NEGR1: variants seen among roughly 807,000 people sequenced by gnomAD.
The protein encoded by NEGR1 is IgLON family member 4.
Under a neutral mutation model 40.9 loss-of-function variants are expected in NEGR1, and 10 were observed. That is an observed-to-expected ratio of 0.24 (90% confidence interval 0.15 to 0.42). The LOEUF is 0.42. Among genes scored for constraint, NEGR1 ranks in the 10% least tolerant of loss-of-function variants. The pLI is 1.00. For synonymous variants in NEGR1, 185 were observed against 166.8 expected (o/e 1.11, Z -0.84); for missense variants, 352 against 438.9 (o/e 0.80, Z 1.77).
At chr1:71,830,899 T>C (rs1469389075) in intron 2 of NEGR1, among the ~76,000 whole-genome samples, 2 of 151,826 alleles carry the variant, frequency 1.3e-5, no homozygotes, top group African/African-American at 2.4e-5. Context: ...GACACAATTA[T>C]ATAAGCCAAA....
At chr1:72,127,379 G>C (rs1312346305) in intron 1 of NEGR1, among the ~76,000 whole-genome samples, 1 of 146,980 alleles carries the variant, frequency 6.8e-6, no homozygotes, top group African/African-American at 2.5e-5. Flanking sequence ...CAGGAGAATG[G>C]CGTGAACCCG....
Position 71,543,584 on chromosome 1 carries a change from T to G in NEGR1, c.940+49233A>C, listed in dbSNP as rs540257158. On this transcript the variant is annotated intron_variant, in intron 6 of 6. Transcript: ENST00000357731. The stretch of plus-strand genomic sequence containing the variant: ...CATAATGTGGGAGGGCATAATGAGT[T>G]GGACCTAAGTGTGTCCTAATTGCAC... 3.6e-4 allele frequency among the ~76,000 whole-genome samples: 55 copies of G among 151,852 alleles called. 1 individual carries two copies. In the South Asian group the frequency reaches 0.011, roughly 31 times the overall value.
chr1:72,197,990 G>T (rs911942380), intron 1 of NEGR1, among the ~76,000 whole-genome samples: 1 of 151,992 alleles, frequency 6.6e-6, no homozygotes. Flanking sequence ...CAGTTTTTCA[G>T]AGAGAAAAAG....
chr1:71,692,814 T>C (rs1653337274), intron 4 of NEGR1, among the ~76,000 whole-genome samples: 1 of 151,830 alleles, frequency 6.6e-6, no homozygotes, highest in East Asian at 1.9e-4. Context: ...CTGTAACTTA[T>C]TGGATAAAAA....
At chr1:72,051,059 C>T (rs949404845) in intron 1 of NEGR1, among the ~76,000 whole-genome samples, 26 of 151,410 alleles carry the variant, frequency 1.7e-4, no homozygotes, top group African/African-American at 5.6e-4. Context: ...CTTTAAAATC[C>T]TACATGCACT....
At chr1:71,922,507 T>G (rs1645730581) in intron 2 of NEGR1, among the ~76,000 whole-genome samples, 1 of 152,226 alleles carries the variant, frequency 6.6e-6, no homozygotes, top group Non-Finnish European at 1.5e-5. Context: ...GTTCAAAACC[T>G]TAACATTGGT....
At chr1:71,550,611 A>G (rs1311423192) in intron 6 of NEGR1, among the ~76,000 whole-genome samples, 1 of 151,348 alleles carries the variant, frequency 6.6e-6, no homozygotes, top group Non-Finnish European at 1.5e-5. Flanking sequence ...TCCATATACT[A>G]CCTTGTAGCC....
At chr1:71,961,153 A>G (rs1646162515) in intron 1 of NEGR1, among the ~76,000 whole-genome samples, 1 of 152,134 alleles carries the variant, frequency 6.6e-6, no homozygotes, top group Non-Finnish European at 1.5e-5. Flanking sequence ...TAAGTTGCCA[A>G]CTTGAACTAA....
chr1:71,558,554 G>C (rs1175233343), intron 6 of NEGR1, among the ~76,000 whole-genome samples: 1 of 151,264 alleles, frequency 6.6e-6, no homozygotes, highest in Non-Finnish European at 1.5e-5. Flanking sequence ...GTATGGACTA[G>C]TGGATATTTA....
intron 3 of NEGR1, among the ~76,000 whole-genome samples, chr1:71,708,113 C>T (rs946181582): frequency 2.0e-5 from 3 of 151,862 alleles, no homozygotes; most frequent in African/African-American, 4.8e-5. Context: ...AGAACATCTA[C>T]TAGAATCAAC....
intron 2 of NEGR1, among the ~76,000 whole-genome samples, chr1:71,833,527 G>T (rs1427563400): frequency 6.6e-6 from 1 of 151,518 alleles, no homozygotes; most frequent in Non-Finnish European, 1.5e-5. Flanking sequence ...AAGCAATGGA[G>T]AAGGAAGCAG....
intron 1 of NEGR1, among the ~76,000 whole-genome samples, chr1:72,186,498 C>T (rs1009624722): frequency 6.6e-6 from 1 of 151,416 alleles, no homozygotes; most frequent in African/African-American, 2.4e-5. Context: ...GAGGACTGGG[C>T]CAGATGATAT....
intron 1 of NEGR1, among the ~76,000 whole-genome samples, chr1:72,205,815 GC>G (rs1653377593): frequency 6.8e-6 from 1 of 146,882 alleles, no homozygotes; most frequent in South Asian, 2.2e-4. Flanking sequence ...GGTGGTGCAA[GC>G]CTGGTAGGCC....
At chr1:72,084,818 A>C (rs1476970076) in intron 1 of NEGR1, among the ~76,000 whole-genome samples, 2 of 152,182 alleles carry the variant, frequency 1.3e-5, no homozygotes, top group East Asian at 3.8e-4. Context: ...GAAAAGAAAA[A>C]CTGATTGTAT....
At chr1:72,110,799 C>T (rs1649332840) in intron 1 of NEGR1, among the ~76,000 whole-genome samples, 1 of 151,448 alleles carries the variant, frequency 6.6e-6, no homozygotes, top group South Asian at 2.1e-4. Flanking sequence ...TTTTTCTGGT[C>T]ATTTTTACAT....
At chr1:71,901,898 T>C (rs1174817190) in intron 2 of NEGR1, among the ~76,000 whole-genome samples, 2 of 152,184 alleles carry the variant, frequency 1.3e-5, no homozygotes, top group Non-Finnish European at 1.5e-5. Context: ...CTTGAACTCA[T>C]GACCTTGTGA....
At chr1:71,424,032 A>G (rs1424564993) in intron 6 of NEGR1, among the ~76,000 whole-genome samples, 2 of 151,854 alleles carry the variant, frequency 1.3e-5, no homozygotes, top group Non-Finnish European at 2.9e-5. Context: ...AGTTTGTAAA[A>G]GCAATTTGAG....
chr1:71,510,543 A>AG (rs1647065735), intron 6 of NEGR1, among the ~76,000 whole-genome samples: 1 of 152,182 alleles, frequency 6.6e-6, no homozygotes, highest in Admixed American at 6.5e-5. Flanking sequence ...AATGTAGAGG[A>AG]GGGGTCAGCC....
chr1:71,929,301 A>T (rs1645832217), intron 2 of NEGR1, among the ~76,000 whole-genome samples: 1 of 152,164 alleles, frequency 6.6e-6, no homozygotes, highest in South Asian at 2.1e-4. Context: ...CCTTAAAGAT[A>T]AAGATATTTT....
Sources: gnomAD v4.1 joint callset for allele counts (sites outside exome capture counted in the v4.1 genomes callset) on GRCh38, gnomAD v4.1.1 for gene constraint, MANE v1.5 for transcripts, NCBI Gene and HGNC (gene_info 2026-07-23, HGNC 2026-07-21) for gene names.